Variants in HMOX2 observed in about 807,000 individuals in gnomAD.
The protein encoded by HMOX2 is heme oxygenase (decycling) 2.
Under a neutral mutation model 33.7 loss-of-function variants are expected in HMOX2, and 30 were observed. The observed-to-expected ratio is 0.89, with a 90% CI of 0.67 to 1.21. HMOX2 has a LOEUF of 1.21. Ranked by LOEUF, HMOX2 falls within the 50% of genes most tolerant of loss-of-function variation. The pLI is 0.00. For synonymous variants in HMOX2, 155 were observed against 155.0 expected, an observed-to-expected ratio of 1.00 and a Z score of 0.00; for missense variants, 403 against 399.1, an observed-to-expected ratio of 1.01 and a Z score of -0.08.
chr16:4,477,868 C>T (rs975869797), intron 1 of HMOX2, among the ~76,000 whole-genome samples: 1 of 152,190 alleles, frequency 6.6e-6, no homozygotes, highest in African/African-American at 2.4e-5. Context: ...TTGCAGTGAG[C>T]TGAGATCGCA....
intron 1 of HMOX2, among the ~76,000 whole-genome samples, chr16:4,503,834 GTTC>G (rs1161459149): frequency 5.9e-5 from 9 of 152,210 alleles, no homozygotes; most frequent in Non-Finnish European, 1.3e-4. Flanking sequence ...ACACTTCTGT[GTTC>G]TTCTTGACAC....
At chr16:4,503,452 A>C (rs1030074323) in intron 1 of HMOX2, among the ~76,000 whole-genome samples, 1 of 152,202 alleles carries the variant, frequency 6.6e-6, no homozygotes, top group Admixed American at 6.5e-5. Flanking sequence ...ACAGTTCATC[A>C]GCATTATTGC....
chr16:4,509,398 C>T lies in HMOX2; in HGVS notation c.697-14C>T. ...CAGCCCAAAGATGGCTCAGTCGATC[C>T]TCTGCTCCTGCAGATATTCAATGAA... On this transcript the variant is annotated splice_polypyrimidine_tract_variant and intron_variant, in intron 4 of 5. Coordinates refer to ENST00000570646, the MANE Select transcript of HMOX2 (RefSeq NM_002134.4). 6.2e-7 allele frequency: 1 copy of T among 1,612,938 alleles called. No homozygotes were observed. Among genetic ancestry groups the T allele is most frequent in the African/African-American group, 1.3e-5 (1 of 74,898 alleles).
intron 2 of HMOX2, among the ~76,000 whole-genome samples, chr16:4,506,502 C>CA (rs1390094532): frequency 6.6e-6 from 1 of 152,176 alleles, no homozygotes; most frequent in Non-Finnish European, 1.5e-5. Flanking sequence ...TTCCAGAAGA[C>CA]ACGTTCCAAG....
At chr16:4,504,964 T>C (rs895113881) in intron 1 of HMOX2, among the ~76,000 whole-genome samples, 2 of 152,160 alleles carry the variant, frequency 1.3e-5, no homozygotes, top group African/African-American at 2.4e-5. Context: ...CATGAGCCAC[T>C]GTGCCCTGCC....
chr16:4,483,374 A>G (rs186394027), intron 1 of HMOX2, among the ~76,000 whole-genome samples: 5 of 151,712 alleles, frequency 3.3e-5, no homozygotes, highest in African/African-American at 1.2e-4. Flanking sequence ...TCCCCAGGCA[A>G]TCAGCCCCCA....
chr16:4,484,794 G>A (rs553318434), intron 1 of HMOX2, among the ~76,000 whole-genome samples: 18 of 152,246 alleles, frequency 1.2e-4, no homozygotes, highest in Non-Finnish European at 1.9e-4. Flanking sequence ...TATAGAATTT[G>A]CATATAACCT....
intron 1 of HMOX2, 90 bp from the exon 2 acceptor site, chr16:4,505,394 T>C: frequency 1.6e-6 from 1 of 616,406 alleles, no homozygotes; most frequent in Non-Finnish European, 2.9e-6. Flanking sequence ...TCACCTTGGT[T>C]ACATTCGCTC....
In HMOX2 at chr16:4,500,106, G is replaced by A. The variant is rs140533356; in HGVS notation, c.-41-5378G>A. On this transcript the variant is annotated intron_variant, in intron 1 of 5. Coordinates refer to ENST00000570646, the MANE Select transcript of HMOX2 (RefSeq NM_002134.4). The stretch of plus-strand genomic sequence containing the variant: ...ATCTGAGGGAATCTGGATCTCTCTT[G>A]TAGGAAGCTTTTGGTTTAACTGGGA... Among the ~76,000 whole-genome samples, 39 of 152,302 alleles carry A rather than the reference G, an allele frequency of 2.6e-4. No homozygotes were observed. The East Asian group carries it at 7.1e-3, about 28-fold the overall frequency.
chr16:4,480,809 C>G (rs967727163), intron 1 of HMOX2, among the ~76,000 whole-genome samples: 8 of 148,510 alleles, frequency 5.4e-5, no homozygotes, highest in Non-Finnish European at 7.5e-5. Flanking sequence ...TCTGCCACCA[C>G]GCCTGGCTAA....
intron 1 of HMOX2, among the ~76,000 whole-genome samples, chr16:4,492,225 T>A (rs542189761): frequency 6.6e-6 from 1 of 151,976 alleles, no homozygotes; most frequent in East Asian, 1.9e-4. Context: ...TCCTAGCTAC[T>A]TGGAAGGATG....
chr16:4,505,891 C>T (rs766842435), intron 2 of HMOX2, among the ~76,000 whole-genome samples: 2 of 152,154 alleles, frequency 1.3e-5, no homozygotes, highest in African/African-American at 2.4e-5. Context: ...AAAACTTGTG[C>T]GTTTCCTCAT....
At chr16:4,483,376 C>G (rs2058081435) in intron 1 of HMOX2, among the ~76,000 whole-genome samples, 1 of 151,408 alleles carries the variant, frequency 6.6e-6, no homozygotes, top group South Asian at 2.1e-4. Context: ...CCCAGGCAAT[C>G]AGCCCCCATC....
Position 4,506,907 on chromosome 16 carries a change from C to T in HMOX2, c.99C>T (p.Leu33=), listed in dbSNP as rs1400866069. 1.2e-6 allele frequency: 2 copies of T among 1,613,318 alleles called. No homozygotes were observed. Among genetic ancestry groups the T allele is most frequent in the African/African-American group, 1.3e-5 (1 of 74,884 alleles). Residue 33 remains leucine, a synonymous_variant, in exon 3 of 6, where the codon CTC becomes CTT. Coordinates refer to ENST00000570646, the MANE Select transcript of HMOX2 (RefSeq NM_002134.4). The part of the protein sequence containing the change: ...EKENQMRMAD[L]SELLKEGTKE... ...CATCTCTCCACAGAATGGCTGACCT[C>T]TCGGAGCTCCTGAAGGAAGGGACCA...
intron 1 of HMOX2, among the ~76,000 whole-genome samples, chr16:4,497,952 G>A (rs139586464): frequency 6.6e-6 from 1 of 151,578 alleles, no homozygotes; most frequent in Non-Finnish European, 1.5e-5. Flanking sequence ...TTAGTTTGCA[G>A]TTGTTTTGCT....
intron 1 of HMOX2, among the ~76,000 whole-genome samples, chr16:4,492,218 T>C (rs1228042154): frequency 6.6e-6 from 1 of 151,840 alleles, no homozygotes; most frequent in African/African-American, 2.4e-5. Flanking sequence ...CATGTAGTCC[T>C]AGCTACTTGG....
intron 1 of HMOX2, among the ~76,000 whole-genome samples, chr16:4,491,175 T>C (rs1346155571): frequency 6.6e-6 from 1 of 152,308 alleles, no homozygotes; most frequent in East Asian, 1.9e-4. Flanking sequence ...ACAAAGTAAA[T>C]TTTCAGTTAC....
At chr16:4,505,023 A>G (rs1033315607) in intron 1 of HMOX2, among the ~76,000 whole-genome samples, 5 of 151,684 alleles carry the variant, frequency 3.3e-5, no homozygotes, top group Non-Finnish European at 7.4e-5. Flanking sequence ...AGTACAAAGA[A>G]CTCTCATACC....
chr16:4,486,533 A>G (rs559974480), intron 1 of HMOX2, among the ~76,000 whole-genome samples: 1 of 152,362 alleles, frequency 6.6e-6, no homozygotes, highest in South Asian at 2.1e-4. Flanking sequence ...CACAGAAACT[A>G]CATGGTTTTT....
Sources: allele counts gnomAD v4.1 joint callset (sites outside exome capture counted in the v4.1 genomes callset), GRCh38; gene constraint gnomAD v4.1.1; transcripts MANE v1.5; gene names NCBI Gene and HGNC (gene_info 2026-07-23, HGNC 2026-07-21).